Variants in TTBK2 observed in about 807,000 individuals in gnomAD.
The protein encoded by TTBK2 is tau-tubulin kinase 2.
Under a neutral mutation model 110.8 loss-of-function variants are expected in TTBK2, and 28 were observed. That is an observed-to-expected ratio of 0.25 (90% confidence interval 0.19 to 0.35). The LOEUF (loss-of-function observed/expected upper bound fraction) is 0.35, where lower values mean the gene tolerates loss of function less well. Ranked by LOEUF, TTBK2 falls within the 10% of genes least tolerant of loss-of-function variation. The pLI is 1.00. For missense variants in TTBK2, 1,369 were observed against 1,500.3 expected (o/e 0.91, Z 1.45); for synonymous variants, 532 against 527.3 (o/e 1.01, Z -0.12).
chr15:42,831,222 A>G (rs1258223688), intron 4 of TTBK2, among the ~76,000 whole-genome samples: 1 of 151,946 alleles, frequency 6.6e-6, no homozygotes, highest in Non-Finnish European at 1.5e-5. Context: ...ACCTATATTT[A>G]AAGTTTTTTT....
intron 7 of TTBK2, among the ~76,000 whole-genome samples, chr15:42,814,761 A>G (rs1164774137): frequency 6.6e-6 from 1 of 152,224 alleles, no homozygotes; most frequent in African/African-American, 2.4e-5. Context: ...CTCACAAACT[A>G]ACAATCGTTG....
At position 42,917,247 on chromosome 15, in the gene TTBK2, GA is replaced by G. The variant is rs551870694; in HGVS notation, c.-68+3190del. The stretch of plus-strand genomic sequence containing the variant: ...ACAAAGGTTAAAAAAAAAATCACAG[GA>G]AAAAAAATCCAAAATGTTCACAAAA... On this transcript the variant is annotated intron_variant, in intron 1 of 14. Transcript: ENST00000267890. Among the ~76,000 whole-genome samples, 21 of 151,054 alleles carry G rather than the reference GA, an allele frequency of 1.4e-4. No homozygotes were observed. In the South Asian group the frequency reaches 2.3e-3, roughly 17 times the overall value.
At chr15:42,775,059 T>C (rs1889840309) in intron 13 of TTBK2, 76 bp downstream of exon 13, 3 of 1,500,402 alleles carry the variant, frequency 2.0e-6, no homozygotes, top group East Asian at 4.5e-5. Flanking sequence ...AGTATCTTAG[T>C]TGATCAACTG....
intron 10 of TTBK2, among the ~76,000 whole-genome samples, chr15:42,784,371 G>C (rs777704485): frequency 6.6e-6 from 1 of 151,926 alleles, no homozygotes; most frequent in East Asian, 1.9e-4. Context: ...TCCACCTCTC[G>C]GATTCAAGCG....
At chr15:42,893,119 T>C (rs1256738465) in intron 1 of TTBK2, among the ~76,000 whole-genome samples, 1 of 151,928 alleles carries the variant, frequency 6.6e-6, no homozygotes, top group Non-Finnish European at 1.5e-5. Flanking sequence ...TAGAAAATAT[T>C]TGAATTGAAC....
rs193083565 is a variant in TTBK2 at position 42,905,044 on chromosome 15, G to C, written c.-68+15394C>G. On this transcript the variant is annotated intron_variant, in intron 1 of 14. Transcript: ENST00000267890. ...ATGCCACCATGCCCGCCTAATTTTT[G>C]TATTTTTTGTAGACACAGGATTTCG... 2.0e-5 allele frequency among the ~76,000 whole-genome samples: 3 copies of C among 151,626 alleles called. No homozygotes were observed. In the East Asian group the frequency reaches 5.9e-4, roughly 30 times the overall value.
chr15:42,911,961 TACACACAC>T (rs10545933), intron 1 of TTBK2, among the ~76,000 whole-genome samples: 3 of 149,736 alleles, frequency 2.0e-5, no homozygotes, highest in East Asian at 2.0e-4. Context: ...ATGAGTTAAA[TACACACAC>T]ACACACACAC....
intron 1 of TTBK2, among the ~76,000 whole-genome samples, chr15:42,886,783 C>T (rs1352370199): frequency 6.6e-6 from 1 of 152,164 alleles, no homozygotes; most frequent in Non-Finnish European, 1.5e-5. Flanking sequence ...AGGACTTCCT[C>T]CCCCAGGATC....
intron 1 of TTBK2, among the ~76,000 whole-genome samples, chr15:42,913,674 T>C (rs1333575097): frequency 1.3e-5 from 2 of 151,464 alleles, no homozygotes; most frequent in South Asian, 2.1e-4. Flanking sequence ...TACAGGTCAG[T>C]ATGGTTACAA....
In TTBK2 at chr15:42,770,140, A is replaced by T. The variant is rs556763044; in HGVS notation, c.1998+4995T>A. Among the ~76,000 whole-genome samples the T allele has an allele frequency of 2.0e-5, 3 of 152,096 alleles. No homozygotes were observed. The East Asian group carries it at 5.8e-4, about 29-fold the overall frequency. ...AGGGGGAGGGATAGCAGAAATACCT[A>T]ATGTAAATGATGAGTTGATGGGTGC... On this transcript the variant is annotated intron_variant, in intron 13 of 14. Coordinates refer to ENST00000267890, the MANE Select transcript of TTBK2 (RefSeq NM_173500.4).
intron 13 of TTBK2, among the ~76,000 whole-genome samples, chr15:42,757,991 A>G (rs2061971004): frequency 1.3e-5 from 2 of 152,192 alleles, no homozygotes; most frequent in South Asian, 4.1e-4. Flanking sequence ...CAGTCACCCC[A>G]TGTTTCAAAC....
chr15:42,780,978 C>T (rs1043831369), intron 11 of TTBK2, among the ~76,000 whole-genome samples: 1 of 152,088 alleles, frequency 6.6e-6, no homozygotes. Context: ...AATAAATACA[C>T]AAATACAATA....
At chr15:42,878,198 G>T (rs1360768150) in intron 2 of TTBK2, among the ~76,000 whole-genome samples, 1 of 150,442 alleles carries the variant, frequency 6.6e-6, no homozygotes, top group East Asian at 2.0e-4. Flanking sequence ...TAGCCAAGAT[G>T]GTCTTGATCT....
Position 42,752,546 on chromosome 15 carries a change from CA to C in TTBK2, c.2699del (p.Leu900CysfsTer40). ...TTTTCTCTCTCTTGCCCTCTTGGTG[CA>C]AAAAAGTAGAGAGGTCTCCTTGATG... ...PGHQGDLSTF[L>X]HQEGKREKIT... On this transcript the variant is annotated frameshift_variant, in exon 14 of 15. Transcript: ENST00000267890. LOFTEE classifies it high-confidence loss of function. 2 of 1,613,998 alleles carry C rather than the reference CA, an allele frequency of 1.2e-6. No homozygotes were observed. Among genetic ancestry groups the C allele is most frequent in the South Asian group, 1.1e-5 (1 of 91,072 alleles).
intron 13 of TTBK2, among the ~76,000 whole-genome samples, chr15:42,756,856 A>G (rs1428040053): frequency 6.7e-6 from 1 of 149,438 alleles, no homozygotes; most frequent in East Asian, 2.0e-4. Flanking sequence ...ACATAGCAAT[A>G]CCCCACCTCA....
At chr15:42,838,971 G>A (rs1395372172) in intron 4 of TTBK2, among the ~76,000 whole-genome samples, 1 of 152,080 alleles carries the variant, frequency 6.6e-6, no homozygotes, top group Non-Finnish European at 1.5e-5. Flanking sequence ...TAGGTTCGGG[G>A]GTATATGTGC....
chr15:42,807,634 A>ACTATGTTG (rs912842558), intron 9 of TTBK2, among the ~76,000 whole-genome samples: 5 of 151,794 alleles, frequency 3.3e-5, no homozygotes, highest in African/African-American at 9.7e-5. Flanking sequence ...ACAGGGTGTT[A>ACTATGTTG]CTATGTTGCC....
At chr15:42,796,682 A>C (rs1396688278) in intron 9 of TTBK2, among the ~76,000 whole-genome samples, 1 of 152,202 alleles carries the variant, frequency 6.6e-6, no homozygotes, top group Non-Finnish European at 1.5e-5. Context: ...TATTTAATTA[A>C]TTTCTCTTTC....
chr15:42,808,113 C>T (rs1891552672), intron 9 of TTBK2, among the ~76,000 whole-genome samples: 1 of 152,150 alleles, frequency 6.6e-6, no homozygotes, highest in African/African-American at 2.4e-5. Flanking sequence ...TAATACTTCT[C>T]AAAAGCAAAT....
Sources: gnomAD v4.1 joint callset for allele counts (sites outside exome capture counted in the v4.1 genomes callset) on GRCh38, gnomAD v4.1.1 for gene constraint, MANE v1.5 for transcripts, NCBI Gene and HGNC (gene_info 2026-07-23, HGNC 2026-07-21) for gene names.